The following SH2B1 variants were observed in gnomAD, a reference collection of about 807,000 sequenced individuals.
SH2B1 encodes SH2B adaptor protein 1, also known as SH2B adapter protein 1.
Under a neutral mutation model 62.6 loss-of-function variants are expected in SH2B1, and 15 were observed. The observed-to-expected ratio is 0.24, with a 90% CI of 0.16 to 0.37. SH2B1 has a LOEUF of 0.37. Ranked by LOEUF, SH2B1 falls within the 10% of genes least tolerant of loss-of-function variation. The pLI, the probability that SH2B1 is intolerant of heterozygous loss-of-function variation, is 1.00. For missense variants in SH2B1, 925 were observed against 1,015.6 expected (o/e 0.91, Z 1.21); for synonymous variants, 443 against 438.0 (o/e 1.01, Z -0.14).
chr16:28,852,288 A>T (rs1237562744), intron 1 of SH2B1, among the ~76,000 whole-genome samples: 7 of 89,918 alleles, frequency 7.8e-5, no homozygotes, highest in African/African-American at 3.5e-4. Flanking sequence ...ATATATATTT[A>T]CATATATATA....
chr16:28,872,944 C>A lies in SH2B1; in HGVS notation c.1897+239C>A. Reference sequence around the variant, plus strand: ...GGGCGGCAGCTGAGAGGTGGGCGGGCGCATCCCCATTCCATCGGATCCTCT... The same window carrying A: ...GGGCGGCAGCTGAGAGGTGGGCGGGAGCATCCCCATTCCATCGGATCCTCT... On this transcript the variant is annotated intron_variant, in intron 7 of 7. Coordinates refer to ENST00000684370, the MANE Select transcript of SH2B1 (RefSeq NM_001387430.1). The surrounding 1 kb of genome is among the most constrained non-coding windows in gnomAD (Gnocchi z 5.3). The A allele has an allele frequency of 1.5e-6, 1 of 646,944 alleles. No individual in the cohort carries two copies. The highest frequency in any genetic ancestry group is 1.9e-5 in the South Asian group (1 of 52,992). 40.1% of individuals were successfully genotyped at this position (646,944 alleles called of 1,614,324 possible).
Position 28,858,697 on chromosome 16 carries a change from T to A in SH2B1, c.-300-2921T>A, listed in dbSNP as rs146756483. Among the ~76,000 whole-genome samples the A allele has an allele frequency of 8.4e-3, 1,284 of 152,198 alleles. 19 individuals are homozygous for A. The highest frequency in any genetic ancestry group is 0.029 in the African/African-American group (1,218 of 41,546). The stretch of plus-strand genomic sequence containing the variant: ...GCTCACACTTGTAATCCCAGCACTC[T>A]GGGAGGCCAAGTCGGGCAGATCACT... On this transcript the variant is annotated intron_variant, in intron 1 of 10. Transcript: ENST00000322610.
At chr16:28,868,350 T>C (rs1028450629) in intron 2 of SH2B1, among the ~76,000 whole-genome samples, 7 of 148,996 alleles carry the variant, frequency 4.7e-5, no homozygotes, top group African/African-American at 1.7e-4. Context: ...CCAAGTTAGC[T>C]AGGATGGTCT....
At chr16:28,861,072 C>A (rs1436244184), upstream of SH2B1, among the ~76,000 whole-genome samples, 1 of 152,006 alleles carries the variant, frequency 6.6e-6, no homozygotes, top group Non-Finnish European at 1.5e-5. Flanking sequence ...CCCACCATAG[C>A]CTCCCAAAGT....
At chr16:28,860,812 ATT>A (rs1359160951), upstream of SH2B1, among the ~76,000 whole-genome samples, 1 of 11,840 alleles carries the variant, frequency 8.4e-5, no homozygotes. Context: ...AGGACTCCAG[ATT>A]TGTTTTTTTT....
intron 1 of SH2B1, among the ~76,000 whole-genome samples, chr16:28,852,937 T>G (rs1403260151): frequency 3.6e-5 from 3 of 82,728 alleles, no homozygotes; most frequent in Non-Finnish European, 2.2e-5. Context: ...TTTATATATA[T>G]GTACATATAT....
upstream of SH2B1, among the ~76,000 whole-genome samples, chr16:28,861,030 C>G (rs975689934): frequency 6.6e-6 from 1 of 152,062 alleles, no homozygotes; most frequent in Non-Finnish European, 1.5e-5. Flanking sequence ...GTTGGCTAGG[C>G]TGGTCTCAAA....
At chr16:28,852,317 C>CATATATATTT (rs1962130740) in intron 1 of SH2B1, among the ~76,000 whole-genome samples, 2 of 45,846 alleles carry the variant, frequency 4.4e-5, no homozygotes, top group African/African-American at 1.8e-4. Context: ...TATATATTTA[C>CATATATATTT]ATATATATAT....
At position 28,874,089 on chromosome 16, in the gene SH2B1, A is replaced by G; in HGVS notation, c.*269A>G. On this transcript the variant is annotated 3_prime_UTR_variant, in exon 8 of 8. Transcript: ENST00000684370. ...CCTGGGGGCCATTTCCCCATTAACT[A>G]CCCCCAGCCCGAGGCAGGGTGAGGG... is the stretch of plus-strand genomic sequence containing the variant. 2 of 358,200 alleles carry G rather than the reference A, an allele frequency of 5.6e-6. No homozygotes were observed. The highest frequency in any genetic ancestry group is 1.0e-5 in the Non-Finnish European group (2 of 200,678). 22.2% of individuals were successfully genotyped at this position (358,200 alleles called of 1,614,324 possible).
rs377499837 is a variant in SH2B1 at position 28,866,291 on chromosome 16, G to A, written c.197G>A (p.Arg66His). The A allele has an allele frequency of 1.7e-5, 27 of 1,610,196 alleles. No homozygotes were observed. In the East Asian group the frequency reaches 2.5e-4, roughly 15 times the overall value. The change falls in exon 1 of 8, where the codon CGC (arginine) becomes CAC (histidine). Residue 66 changes from arginine to histidine, a missense_variant. Arg to His is a conservative substitution (Grantham distance 29). This residue lies in a region of SH2B1 where 683 missense variants were observed against 704.0 expected (regional missense o/e 0.97). Coordinates refer to ENST00000684370, the MANE Select transcript of SH2B1 (RefSeq NM_001387430.1). This position sits in a 1 kb window ranked among gnomAD's most constrained non-coding sequence, Gnocchi z 6.3. The stretch of plus-strand genomic sequence containing the variant: ...CCCGGGGCCGAGGCTGCCTTCTCCC[G>A]CCGTTTTGCTGAGCTCTTCCTGCAG... ...AGPGAEAAFS[R>H]RFAELFLQHF...
At chr16:28,847,924 G>T (rs1164616327) in intron 1 of SH2B1, among the ~76,000 whole-genome samples, 1 of 145,814 alleles carries the variant, frequency 6.9e-6, no homozygotes, top group Non-Finnish European at 1.5e-5. Flanking sequence ...CTCCTGGGTT[G>T]AAGCAATTCT....
rs536395095 is a variant in SH2B1, at chr16:28,865,701, G to A, written c.-394G>A. Reference sequence around the variant, plus strand: ...GAATATTGGAGGATCCGATGTAGAGGGGGGGTGATCTGGAAAAGTTCCCTT... The same window carrying A: ...GAATATTGGAGGATCCGATGTAGAGAGGGGGTGATCTGGAAAAGTTCCCTT... On this transcript the variant is annotated 5_prime_UTR_variant, in exon 1 of 8. Transcript: ENST00000684370. The A allele has an allele frequency of 2.0e-6, 2 of 1,016,066 alleles. No individual in the cohort carries two copies. The highest frequency in any genetic ancestry group is 9.5e-5 in the East Asian group (1 of 10,490). The allele number at this position is 1,016,066 out of a possible 1,614,324, so 62.9% of individuals were successfully genotyped here.
intron 4 of SH2B1, 125 bp downstream of exon 4, chr16:28,869,508 C>T (rs1962916382): frequency 1.2e-6 from 1 of 804,910 alleles, no homozygotes; most frequent in East Asian, 2.7e-5. Flanking sequence ...TGCCCTACCC[C>T]AACCCCACCA....
chr16:28,851,181 A>AAAC (rs1323275905), intron 1 of SH2B1, among the ~76,000 whole-genome samples: 1 of 150,774 alleles, frequency 6.6e-6, no homozygotes, highest in Non-Finnish European at 1.5e-5. Context: ...TCAAAAAGAA[A>AAAC]AAAAAAAAAA....
In SH2B1 at chr16:28,852,468, A is replaced by ACATATATATTTATATATATATT. The variant is rs1450854893; in HGVS notation, c.-301+5641_-301+5642insCATATATATTTATATATATATT. 1.7e-4 allele frequency among the ~76,000 whole-genome samples: 7 copies of ACATATATATTTATATATATATT among 42,194 alleles called. 2 individuals carry two copies. Among genetic ancestry groups the ACATATATATTTATATATATATT allele is most frequent in the Non-Finnish European group, 3.0e-4 (7 of 23,724 alleles). The allele number at this position is 42,194 out of a possible 152,430, so 27.7% of individuals were successfully genotyped here. A position where few individuals can be genotyped will look rare whatever the true frequency, so the allele number is the denominator to read the frequency against. Reference sequence around the variant, plus strand: ...TATATTTACATATATATTTATATATATACATATATATTTATATATACATAC... The same window carrying ACATATATATTTATATATATATT: ...TATATTTACATATATATTTATATATACATATATATTTATATATATATTTACATATATATTTATATATACATAC... On this transcript the variant is annotated intron_variant, in intron 1 of 10. Coordinates refer to the SH2B1 transcript ENST00000322610.
chr16:28,869,743 T>C (rs1371645704), intron 4 of SH2B1, among the ~76,000 whole-genome samples: 2 of 152,226 alleles, frequency 1.3e-5, no homozygotes, highest in African/African-American at 4.8e-5. Flanking sequence ...TCTGCATCTC[T>C]GTGTCTGTCA....
Position 28,873,292 on chromosome 16 carries a change from C to T in SH2B1, c.1898-155C>T, listed in dbSNP as rs1338257259. The T allele has an allele frequency of 3.1e-6, 5 of 1,599,718 alleles. No homozygotes were observed. The highest frequency in any genetic ancestry group is 4.3e-6 in the Non-Finnish European group (5 of 1,172,824). ...TGTGTAAGTGTGGTCCTCCTCTCAC[C>T]ACCGCCCATGATCCATCTTCCATGG... On this transcript the variant is annotated intron_variant, in intron 7 of 7. Coordinates refer to ENST00000684370, the MANE Select transcript of SH2B1 (RefSeq NM_001387430.1). This position sits in a 1 kb window ranked among gnomAD's most constrained non-coding sequence, Gnocchi z 4.2.
intron 2 of SH2B1, 78 bp downstream of exon 2, chr16:28,867,510 C>A (rs1230438334): frequency 7.4e-6 from 8 of 1,076,630 alleles, no homozygotes; most frequent in Non-Finnish European, 1.2e-5. Flanking sequence ...CAAGTGGCGT[C>A]GCCGAAAGGA....
In SH2B1 at chr16:28,865,220, GGGCCCCTGC is replaced by G. The variant is rs1248434103; in HGVS notation, c.-870_-862del. 2.0e-6 allele frequency: 2 copies of G among 985,452 alleles called. No individual in the cohort carries two copies. Among genetic ancestry groups the G allele is most frequent in the Non-Finnish European group, 2.4e-6 (2 of 829,956 alleles). 61.0% of individuals were successfully genotyped at this position (985,452 alleles called of 1,614,324 possible). ...CTGAGCCAACCCAGTTTCTCCTCTG[GGGCCCCTGC>G]GGCCTCTGGCCCCAGACTGAAGGGA... On this transcript the variant is annotated 5_prime_UTR_variant, in exon 1 of 8. Transcript: ENST00000684370.
Sources: gnomAD v4.1 joint callset for allele counts (sites outside exome capture counted in the v4.1 genomes callset) on GRCh38, gnomAD v4.1.1 for gene constraint, gnomAD v4.1.1 regional missense constraint, Gnocchi (gnomAD v3.1) non-coding constraint, MANE v1.5 for transcripts, NCBI Gene and HGNC (gene_info 2026-07-23, HGNC 2026-07-21) for gene names.